PDE8B: variants seen among roughly 807,000 people sequenced by gnomAD.
The protein encoded by PDE8B is phosphodiesterase 8B, also known as high affinity cAMP-specific and IBMX-insensitive 3',5'-cyclic phosphodiesterase 8B.
In PDE8B, 26 loss-of-function variants were observed where a neutral mutation model predicts 101.3. The observed-to-expected ratio is 0.26, with a 90% CI of 0.19 to 0.36. PDE8B has a LOEUF of 0.36. Ranked by LOEUF, PDE8B falls within the 10% of genes least tolerant of loss-of-function variation. PDE8B has a pLI of 1.00. For synonymous variants in PDE8B, 424 were observed against 429.3 expected (o/e 0.99, Z 0.15); for missense variants, 810 against 1,163.1 (o/e 0.70, Z 4.42).
rs1190657353 is a variant in PDE8B, at chr5:77,299,267, T to TTTG, written c.340-12725_340-12724insGTT. Among the ~76,000 whole-genome samples, 136 of 108,200 alleles carry TTTG rather than the reference T, an allele frequency of 1.3e-3. 1 individual carries two copies. The highest frequency in any genetic ancestry group is 4.0e-3 in the African/African-American group (126 of 31,482). 71.0% of individuals were successfully genotyped at this position (108,200 alleles called of 152,430 possible). ...TTTTGTTTGTTTGTTTGTTTGTTTG[T>TTTG]TTTATTTTATTATTATTATTATACT... On this transcript the variant is annotated intron_variant, in intron 1 of 21. Transcript: ENST00000264917.
rs565527115 is a variant in PDE8B, at chr5:77,280,812, G to C, written c.340-31182G>C. On this transcript the variant is annotated intron_variant, in intron 1 of 21. Coordinates refer to ENST00000264917, the MANE Select transcript of PDE8B (RefSeq NM_003719.5). ...CTCAGGAGGCTGAGGCAGGAGAATC[G>C]CTTGAACCGGGGAGGTGGAGGTTGC... is the stretch of plus-strand genomic sequence containing the variant. 1.6e-3 allele frequency among the ~76,000 whole-genome samples: 247 copies of C among 152,280 alleles called. 2 individuals are homozygous for C. Among genetic ancestry groups the C allele is most frequent in the African/African-American group, 5.7e-3 (237 of 41,566 alleles).
intron 1 of PDE8B, among the ~76,000 whole-genome samples, chr5:77,302,869 G>A (rs377148421): frequency 3.3e-5 from 5 of 152,244 alleles, no homozygotes; most frequent in South Asian, 4.1e-4. Flanking sequence ...GATGATGTAC[G>A]TGGGGAATTC....
intron 1 of PDE8B, among the ~76,000 whole-genome samples, chr5:77,231,760 CTGTAT>C (rs1753619719): frequency 1.3e-5 from 2 of 152,218 alleles, no homozygotes; most frequent in Non-Finnish European, 2.9e-5. Context: ...AGACTAGCAA[CTGTAT>C]TTAGCCCTTA....
intron 10 of PDE8B, among the ~76,000 whole-genome samples, chr5:77,383,496 C>T (rs375219773): frequency 1.2e-4 from 19 of 152,230 alleles, no homozygotes; most frequent in Middle Eastern, 6.8e-3. Flanking sequence ...GCTTCACTTT[C>T]GACTAGTCTG....
intron 10 of PDE8B, among the ~76,000 whole-genome samples, chr5:77,385,632 C>T (rs1788401673): frequency 6.6e-6 from 1 of 152,110 alleles, no homozygotes; most frequent in South Asian, 2.1e-4. Context: ...TTCCCTCAAA[C>T]ACTGCTTTAA....
intron 10 of PDE8B, among the ~76,000 whole-genome samples, chr5:77,394,248 TAGTC>T (rs1386941214): frequency 3.3e-5 from 5 of 152,116 alleles, no homozygotes; most frequent in Admixed American, 6.5e-5. Flanking sequence ...AAGCAGCTCT[TAGTC>T]AGGTGAGGGA....
the PDE8B span, chr5:77,165,335 A>C: frequency 1.3e-5 from 2 of 152,226 alleles, no homozygotes; most frequent in African/African-American, 4.8e-5. Flanking sequence ...ACCATCTTGA[A>C]AAATTCCTGA....
At chr5:77,272,864 G>A (rs1763072242) in intron 1 of PDE8B, among the ~76,000 whole-genome samples, 1 of 152,162 alleles carries the variant, frequency 6.6e-6, no homozygotes, top group Non-Finnish European at 1.5e-5. Flanking sequence ...GAAGGCAAGA[G>A]AGAGGCAGTA....
At chr5:77,301,776 A>G (rs545270739) in intron 1 of PDE8B, among the ~76,000 whole-genome samples, 35 of 152,342 alleles carry the variant, frequency 2.3e-4, no homozygotes, top group African/African-American at 7.7e-4. Flanking sequence ...CACTCAGCCT[A>G]GTCATTTGTG....
At chr5:77,134,369 TGAC>T in the PDE8B span, 4 of 152,340 alleles carry the variant, frequency 2.6e-5, no homozygotes, top group Non-Finnish European at 5.9e-5. Flanking sequence ...TCATTTCCAA[TGAC>T]CTCCTGGGGA....
chr5:77,400,738 A>AT (rs1372290523), intron 11 of PDE8B, among the ~76,000 whole-genome samples: 1 of 152,058 alleles, frequency 6.6e-6, no homozygotes, highest in East Asian at 1.9e-4. Context: ...CCAAGTTCCT[A>AT]TTTCAGTTTC....
chr5:77,293,405 A>T (rs1767810329), intron 1 of PDE8B, among the ~76,000 whole-genome samples: 2 of 152,240 alleles, frequency 1.3e-5, no homozygotes, highest in Non-Finnish European at 2.9e-5. Context: ...ATTTATAGCA[A>T]TTAGTATATA....
rs114076557 is a variant in PDE8B at position 77,291,420 on chromosome 5, A to G, written c.340-20574A>G. The G allele has an allele frequency of 6.2e-4, 994 of 1,611,652 alleles. 10 individuals are homozygous for G. In the African/African-American group the frequency reaches 0.012, roughly 20 times the overall value. ...CCCTGGAAATTATGTAGAACCGACAATTGTGACAGGTCTTGCCCACGATGC... is the reference window on the plus strand; with the variant it reads ...CCCTGGAAATTATGTAGAACCGACAGTTGTGACAGGTCTTGCCCACGATGC... On this transcript the variant is annotated intron_variant, in intron 1 of 21. Transcript: ENST00000264917.
At chr5:77,087,542 G>C in the PDE8B span, 2 of 152,206 alleles carry the variant, frequency 1.3e-5, no homozygotes, top group South Asian at 4.1e-4. Context: ...ACCTAGGTTG[G>C]GACAGATGAA....
intron 1 of PDE8B, among the ~76,000 whole-genome samples, chr5:77,277,097 T>C (rs772320384): frequency 5.8e-4 from 89 of 152,164 alleles, no homozygotes; most frequent in Non-Finnish European, 1.0e-4. Flanking sequence ...AGGCCTTAAG[T>C]TGTTCAGATA....
chr5:77,321,713 C>G (rs1017177300), intron 2 of PDE8B, among the ~76,000 whole-genome samples: 3 of 152,154 alleles, frequency 2.0e-5, no homozygotes, highest in Non-Finnish European at 4.4e-5. Context: ...TAAATTTTCA[C>G]TTTGCTTAGG....
chr5:77,164,990 C>A, the PDE8B span, among the ~76,000 whole-genome samples: 1 of 152,194 alleles, frequency 6.6e-6, no homozygotes, highest in South Asian at 2.1e-4. Flanking sequence ...ACATGCTTAA[C>A]TGGCTTGGTA....
chr5:77,310,963 GT>G, intron 1 of PDE8B, among the ~76,000 whole-genome samples: 1 of 152,314 alleles, frequency 6.6e-6, no homozygotes, highest in South Asian at 2.1e-4. Flanking sequence ...TGTAAAGAAA[GT>G]TTGCTTTTCT....
At chr5:77,317,679 G>A (rs1354206936) in intron 2 of PDE8B, among the ~76,000 whole-genome samples, 1 of 152,124 alleles carries the variant, frequency 6.6e-6, no homozygotes, top group East Asian at 1.9e-4. Flanking sequence ...AAAATCAAGT[G>A]GCCTTTTCTT....
Sources: gnomAD v4.1 joint callset for allele counts (sites outside exome capture counted in the v4.1 genomes callset) on GRCh38, gnomAD v4.1.1 for gene constraint, MANE v1.5 for transcripts, NCBI Gene and HGNC (gene_info 2026-07-23, HGNC 2026-07-21) for gene names.